C10orf67: variants seen among roughly 807,000 people sequenced by gnomAD.
The protein encoded by C10orf67 is uncharacterized protein C10orf67, mitochondrial.
C10orf67 carries 60 observed loss-of-function variants against 35.6 expected under a neutral mutation model. The observed-to-expected ratio is 1.68, with a 90% CI of 1.37 to 2.09. The LOEUF (loss-of-function observed/expected upper bound fraction) is 2.09. C10orf67 is among the 30% of genes most tolerant of loss of function. The pLI is 0.00. For missense variants in C10orf67, 474 were observed against 330.2 expected, an observed-to-expected ratio of 1.44 and a Z score of -3.38; for synonymous variants, 167 against 115.8, an observed-to-expected ratio of 1.44 and a Z score of -2.84.
intron 12 of C10orf67, among the ~76,000 whole-genome samples, chr10:23,242,892 G>A (rs1039010045): frequency 3.9e-5 from 6 of 151,986 alleles, no homozygotes; most frequent in Middle Eastern, 3.2e-3. Flanking sequence ...CCCAACTATC[G>A]TATTTTCACT....
intron 10 of C10orf67, 45 bp downstream of exon 10, chr10:23,266,217 T>C (rs1019367062): frequency 2.5e-6 from 1 of 398,250 alleles, no homozygotes; most frequent in Admixed American, 4.4e-5. Context: ...GGAGTCCCTG[T>C]GCAGAGGAAG....
intron 4 of C10orf67, among the ~76,000 whole-genome samples, chr10:23,310,892 T>C (rs1184665633): frequency 6.6e-6 from 1 of 152,220 alleles, no homozygotes; most frequent in Non-Finnish European, 1.5e-5. Context: ...TGGAGATGGA[T>C]GATGGGCTAG....
intron 13 of C10orf67, among the ~76,000 whole-genome samples, chr10:23,239,368 G>T (rs1588605186): frequency 6.6e-6 from 1 of 152,160 alleles, no homozygotes; most frequent in African/African-American, 2.4e-5. Context: ...GGATGTGACT[G>T]GAAGCTTAGA....
At position 23,271,447 on chromosome 10, in the gene C10orf67, A is replaced by G. The variant is rs57835565; in HGVS notation, c.976-4193T>C. 6.8e-3 allele frequency among the ~76,000 whole-genome samples: 1,029 copies of G among 152,378 alleles called. 13 individuals carry two copies. The highest frequency in any genetic ancestry group is 0.024 in the African/African-American group (979 of 41,584). ...TTGGGTAAATACCAAGGAGTGGGAT[A>G]GCCAGACCATCTGTTAAGTATAGAA... is the stretch of plus-strand genomic sequence containing the variant. On this transcript the variant is annotated intron_variant, in intron 8 of 15. Coordinates refer to ENST00000636213, the MANE Select transcript of C10orf67 (RefSeq NM_001371909.1).
intron 4 of C10orf67, among the ~76,000 whole-genome samples, chr10:23,306,369 A>C (rs908981321): frequency 6.6e-6 from 1 of 151,902 alleles, no homozygotes; most frequent in Non-Finnish European, 1.5e-5. Flanking sequence ...CTAAAAATGC[A>C]AAAAATTAGC....
chr10:23,241,843 A>G lies in C10orf67; in HGVS notation c.1347-2027T>C, dbSNP rs145493975. ...TAACTATACCTAGGGACATCATAATAAAACTAATGATAACAAAAGATCAAG... is the reference window on the plus strand; with the variant it reads ...TAACTATACCTAGGGACATCATAATGAAACTAATGATAACAAAAGATCAAG... On this transcript the variant is annotated intron_variant, in intron 12 of 15. Transcript: ENST00000636213. 2.6e-5 allele frequency among the ~76,000 whole-genome samples: 4 copies of G among 152,340 alleles called. No homozygotes were observed. In the East Asian group the frequency reaches 7.7e-4, roughly 29 times the overall value.
intron 1 of C10orf67, 21 bp downstream of exon 1, chr10:23,344,548 C>G (rs1179479485): frequency 3.2e-6 from 5 of 1,559,680 alleles, no homozygotes; most frequent in Admixed American, 1.9e-5. Context: ...CTCCTCTACC[C>G]AGGCGCGGAG....
intron 5 of C10orf67, among the ~76,000 whole-genome samples, chr10:23,301,090 C>T (rs925423919): frequency 1.3e-5 from 2 of 152,186 alleles, no homozygotes; most frequent in African/African-American, 4.8e-5. Context: ...CTAGCTGGGC[C>T]AAATTCTCCT....
At chr10:23,258,590 T>C (rs4237360) in intron 10 of C10orf67, 64,112 of 160,758 alleles carry the variant, frequency 0.4, 16,261 homozygotes, top group East Asian at 0.75. Flanking sequence ...GAACTGTACC[T>C]GGCTTTAAGA....
At chr10:23,289,459 C>T (rs77700496) in intron 7 of C10orf67, among the ~76,000 whole-genome samples, 5,296 of 152,270 alleles carry the variant, frequency 0.035, 121 homozygotes, top group Non-Finnish European at 0.054. Context: ...CCACTGCGCC[C>T]CACCTTGGAA....
chr10:23,208,046 A>AATAATT lies in C10orf67; in HGVS notation c.1571-3792_1571-3791insAATTAT, dbSNP rs1443891319. On this transcript the variant is annotated intron_variant, in intron 15 of 15. Transcript: ENST00000636213. ...CTGTTCTAATCCTAGAGAAAAATAAACACTCTTAATATGGAAGCGTTAGGT... is the reference window on the plus strand; with the variant it reads ...CTGTTCTAATCCTAGAGAAAAATAAAATAATTCACTCTTAATATGGAAGCGTTAGGT... 7.2e-5 allele frequency among the ~76,000 whole-genome samples: 11 copies of AATAATT among 152,340 alleles called. No individual in the cohort carries two copies. In the East Asian group the frequency reaches 2.1e-3, roughly 29 times the overall value.
At position 23,218,199 on chromosome 10, in the gene C10orf67, G is replaced by T. The variant is rs117674557; in HGVS notation, c.1570+5399C>A. ...TTGTTGCCCAGGCTGAAGTGCAGTG[G>T]CGCCATCATGGCACACTGCAGCCTC... On this transcript the variant is annotated intron_variant, in intron 15 of 15. Transcript: ENST00000636213. 8.3e-4 allele frequency among the ~76,000 whole-genome samples: 126 copies of T among 152,258 alleles called. 10 individuals carry two copies. In the East Asian group the frequency reaches 0.024, roughly 29 times the overall value.
intron 15 of C10orf67, among the ~76,000 whole-genome samples, chr10:23,213,687 A>G (rs1019855386): frequency 3.3e-5 from 5 of 152,192 alleles, no homozygotes; most frequent in African/African-American, 1.2e-4. Flanking sequence ...ATACATAAAC[A>G]TATACAATAA....
intron 13 of C10orf67, 123 bp downstream of exon 13, chr10:23,239,606 C>A: frequency 2.1e-6 from 1 of 474,386 alleles, no homozygotes; most frequent in Non-Finnish European, 4.0e-6. Flanking sequence ...CTAGCAGTGA[C>A]TGCCTTGTAC....
chr10:23,294,444 T>TCCTTTATAAATTCTCAAGATC (rs1489704889), intron 5 of C10orf67, among the ~76,000 whole-genome samples: 2 of 151,732 alleles, frequency 1.3e-5, no homozygotes, highest in Non-Finnish European at 2.9e-5. Context: ...AAGGCTAACC[T>TCCTTTATAAATTCTCAAGATC]CCTTTATAAA....
Position 23,254,155 on chromosome 10 carries a change from A to G in C10orf67, c.1201-3464T>C, listed in dbSNP as rs1436929708. On this transcript the variant is annotated intron_variant, in intron 10 of 15. Coordinates refer to ENST00000636213, the MANE Select transcript of C10orf67 (RefSeq NM_001371909.1). ...AGTAATTAACTTCCTAAGTAGGAAA[A>G]CACAAACACAAATTAAATAATTGTA... 2.6e-5 allele frequency among the ~76,000 whole-genome samples: 4 copies of G among 152,236 alleles called. No homozygotes were observed. The East Asian group carries it at 7.7e-4, about 29-fold the overall frequency.
intron 15 of C10orf67, among the ~76,000 whole-genome samples, chr10:23,214,883 C>A (rs1448958643): frequency 6.6e-6 from 1 of 151,972 alleles, no homozygotes. Context: ...ATTAGCTGGG[C>A]ATGGTGGCAC....
intron 1 of C10orf67, among the ~76,000 whole-genome samples, chr10:23,342,684 T>A (rs1292795791): frequency 5.9e-5 from 9 of 152,308 alleles, no homozygotes; most frequent in African/African-American, 1.7e-4. Context: ...GTTTATCACG[T>A]GCTGCCTCTA....
chr10:23,278,246 G>T (rs369353809), intron 8 of C10orf67, among the ~76,000 whole-genome samples: 3 of 152,066 alleles, frequency 2.0e-5, no homozygotes, highest in Non-Finnish European at 2.9e-5. Context: ...ATTGTAAAGC[G>T]ATCCTGAGAC....
Sources: gnomAD v4.1 joint callset for allele counts (sites outside exome capture counted in the v4.1 genomes callset) on GRCh38, gnomAD v4.1.1 for gene constraint, MANE v1.5 for transcripts, NCBI Gene and HGNC (gene_info 2026-07-23, HGNC 2026-07-21) for gene names.